Variants in RBMS1 observed in about 807,000 individuals in gnomAD.
RBMS1 encodes the protein RNA binding motif single stranded interacting protein 1.
RBMS1 carries 17 observed loss-of-function variants against 62.3 expected under a neutral mutation model. The ratio of observed to expected loss-of-function variants is 0.27; its 90% CI spans 0.19 to 0.41. The LOEUF is 0.41. Ranked by LOEUF, RBMS1 falls within the 10% of genes least tolerant of loss-of-function variation. The pLI, the probability that RBMS1 is intolerant of heterozygous loss-of-function variation, is 1.00. For synonymous variants in RBMS1, 172 were observed against 170.0 expected (o/e 1.01, Z -0.09); for missense variants, 334 against 504.5 (o/e 0.66, Z 3.24).
At chr2:160,467,572 T>C (rs560318120) in intron 1 of RBMS1, among the ~76,000 whole-genome samples, 1 of 152,294 alleles carries the variant, frequency 6.6e-6, no homozygotes, top group South Asian at 2.1e-4. Flanking sequence ...CCATACAAAA[T>C]AAGCTTTTTG....
At chr2:160,438,995 G>A (rs1294397323) in intron 1 of RBMS1, among the ~76,000 whole-genome samples, 2 of 148,990 alleles carry the variant, frequency 1.3e-5, no homozygotes, top group African/African-American at 5.0e-5. Flanking sequence ...CTCCCGGACG[G>A]GGCGGCTGGC....
chr2:160,363,272 C>A (rs1414361812), intron 2 of RBMS1, among the ~76,000 whole-genome samples: 1 of 152,164 alleles, frequency 6.6e-6, no homozygotes, highest in African/African-American at 2.4e-5. Context: ...ACGCTGTTAG[C>A]ATCATGTACT....
At chr2:160,278,527 T>C (rs1353298537) in intron 11 of RBMS1, 21 bp downstream of exon 11, 6 of 1,574,942 alleles carry the variant, frequency 3.8e-6, no homozygotes, top group Non-Finnish European at 5.2e-6. Context: ...CAGAGACACA[T>C]GATAATTATT....
chr2:160,454,538 ACC>A (rs1684134108), intron 1 of RBMS1, among the ~76,000 whole-genome samples: 1 of 152,216 alleles, frequency 6.6e-6, no homozygotes, highest in Non-Finnish European at 1.5e-5. Flanking sequence ...GGAGGAATTA[ACC>A]ATGTAAAGAA....
intron 2 of RBMS1, among the ~76,000 whole-genome samples, chr2:160,364,938 T>C (rs1693318638): frequency 6.6e-6 from 1 of 152,220 alleles, no homozygotes; most frequent in South Asian, 2.1e-4. Context: ...TTCTTTTCTT[T>C]TTTAGAGGTA....
At chr2:160,441,185 G>A (rs192882676) in intron 1 of RBMS1, among the ~76,000 whole-genome samples, 90 of 151,940 alleles carry the variant, frequency 5.9e-4, no homozygotes, top group African/African-American at 2.1e-3. Flanking sequence ...CATCAATATT[G>A]TTGCCTGAAT....
chr2:160,438,866 A>T (rs912546239), intron 1 of RBMS1, among the ~76,000 whole-genome samples: 3 of 143,408 alleles, frequency 2.1e-5, no homozygotes, highest in African/African-American at 7.8e-5. Flanking sequence ...CCTCCCGGAC[A>T]GGGCGGCTGG....
At chr2:160,463,618 C>G (rs1684562941) in intron 1 of RBMS1, among the ~76,000 whole-genome samples, 1 of 152,184 alleles carries the variant, frequency 6.6e-6, no homozygotes, top group African/African-American at 2.4e-5. Context: ...AACCCCATCT[C>G]TACTAAAAAT....
At chr2:160,277,653 TAA>T (rs1280490352) in intron 11 of RBMS1, 3 of 329,096 alleles carry the variant, frequency 9.1e-6, no homozygotes, top group African/African-American at 6.3e-5. Flanking sequence ...TGGGTGAAGA[TAA>T]AAAAGTTTGT....
intron 2 of RBMS1, among the ~76,000 whole-genome samples, chr2:160,352,251 G>A (rs1237396480): frequency 6.6e-6 from 1 of 152,082 alleles, no homozygotes; most frequent in Non-Finnish European, 1.5e-5. Flanking sequence ...TATGTGCAAT[G>A]CACGGTCAAG....
intron 2 of RBMS1, among the ~76,000 whole-genome samples, chr2:160,345,153 C>T (rs987800548): frequency 2.0e-5 from 3 of 152,018 alleles, no homozygotes; most frequent in African/African-American, 7.3e-5. Flanking sequence ...TATTGTGAAA[C>T]CCACAATGCT....
Position 160,277,299 on chromosome 2 carries a change from C to T in RBMS1, c.1143+4G>A. 6.2e-7 allele frequency: 1 copy of T among 1,605,262 alleles called. No individual in the cohort carries two copies. On this transcript the variant is annotated splice_donor_region_variant and intron_variant, in intron 12 of 13. Transcript: ENST00000348849. ...AGAATGGTCACTGGATGGTCTCTACCAACCTCAACAGGAACCGCTGTCGTC... is the reference window on the plus strand; with the variant it reads ...AGAATGGTCACTGGATGGTCTCTACTAACCTCAACAGGAACCGCTGTCGTC...
At chr2:160,455,344 C>T (rs1684174431) in intron 1 of RBMS1, among the ~76,000 whole-genome samples, 1 of 152,138 alleles carries the variant, frequency 6.6e-6, no homozygotes, top group African/African-American at 2.4e-5. Flanking sequence ...ACAATTATGT[C>T]AGAAAAAGTA....
At chr2:160,462,808 C>A (rs1014384151) in intron 1 of RBMS1, among the ~76,000 whole-genome samples, 3 of 152,148 alleles carry the variant, frequency 2.0e-5, no homozygotes, top group Non-Finnish European at 2.9e-5. Context: ...TGTTGGCCAG[C>A]TGGTCTCGAA....
At chr2:160,339,982 C>T (rs575809407) in intron 2 of RBMS1, among the ~76,000 whole-genome samples, 36 of 152,264 alleles carry the variant, frequency 2.4e-4, no homozygotes, top group Middle Eastern at 3.4e-3. Context: ...ATAACATGTA[C>T]AAATCTGTTG....
intron 1 of RBMS1, among the ~76,000 whole-genome samples, chr2:160,468,546 A>G (rs1001190000): frequency 1.3e-5 from 2 of 152,248 alleles, no homozygotes; most frequent in Admixed American, 1.3e-4. Flanking sequence ...AACAAAAAAC[A>G]TACAATCTAT....
chr2:160,351,681 T>C (rs1421337760), intron 2 of RBMS1, among the ~76,000 whole-genome samples: 1 of 152,166 alleles, frequency 6.6e-6, no homozygotes, highest in Non-Finnish European at 1.5e-5. Flanking sequence ...GAAACTGTTG[T>C]GCATCCACTA....
At chr2:160,343,258 C>A (rs1229816569) in intron 2 of RBMS1, among the ~76,000 whole-genome samples, 1 of 152,190 alleles carries the variant, frequency 6.6e-6, no homozygotes, top group Non-Finnish European at 1.5e-5. Context: ...GCAGAGTGTG[C>A]ATTACTTGTA....
chr2:160,350,301 A>G (rs1692426504), intron 2 of RBMS1, among the ~76,000 whole-genome samples: 1 of 152,128 alleles, frequency 6.6e-6, no homozygotes, highest in Non-Finnish European at 1.5e-5. Context: ...TTTAGGAAGC[A>G]TCTCCTCATT....
Sources: allele counts gnomAD v4.1 joint callset (sites outside exome capture counted in the v4.1 genomes callset), GRCh38; gene constraint gnomAD v4.1.1; transcripts MANE v1.5; gene names NCBI Gene and HGNC (gene_info 2026-07-23, HGNC 2026-07-21).